CARMIL1: variants seen among roughly 807,000 people sequenced by gnomAD.
The protein encoded by CARMIL1 is F-actin-uncapping protein LRRC16A.
CARMIL1 carries 90 observed loss-of-function variants against 177.1 expected under a neutral mutation model. The ratio of observed to expected loss-of-function variants is 0.51; its 90% CI spans 0.43 to 0.61. The LOEUF (loss-of-function observed/expected upper bound fraction) is 0.61, where lower values mean the gene tolerates loss of function less well. Among genes scored for constraint, CARMIL1 ranks in the 20% least tolerant of loss-of-function variants. The pLI, the probability that CARMIL1 is intolerant of heterozygous loss-of-function variation, is 0.00. For synonymous variants in CARMIL1, 577 were observed against 606.2 expected (o/e 0.95, Z 0.71); for missense variants, 1,380 against 1,667.0 (o/e 0.83, Z 3.00).
At chr6:25,490,484 G>A (rs75635500) in intron 13 of CARMIL1, among the ~76,000 whole-genome samples, 1 of 152,004 alleles carries the variant, frequency 6.6e-6, no homozygotes, top group Non-Finnish European at 1.5e-5. Context: ...GATCTCTGGG[G>A]TCCAGGGGTT....
At chr6:25,475,299 G>C (rs62392393) in intron 11 of CARMIL1, among the ~76,000 whole-genome samples, 2,101 of 152,152 alleles carry the variant, frequency 0.014, 34 homozygotes, top group East Asian at 0.045. Context: ...AGCTACTCGG[G>C]AGGCTGAGGC....
chr6:25,594,956 T>G (rs1310418698), intron 32 of CARMIL1, among the ~76,000 whole-genome samples: 1 of 152,196 alleles, frequency 6.6e-6, no homozygotes, highest in Non-Finnish European at 1.5e-5. Flanking sequence ...GAGCTTCTCC[T>G]TGTTCATAAT....
At chr6:25,430,999 T>A (rs1796718662) in intron 4 of CARMIL1, among the ~76,000 whole-genome samples, 1 of 152,184 alleles carries the variant, frequency 6.6e-6, no homozygotes, top group Admixed American at 6.6e-5. Context: ...CAATTTTTTT[T>A]TATCTTTTCA....
intron 2 of CARMIL1, among the ~76,000 whole-genome samples, chr6:25,290,522 C>T (rs1781868385): frequency 6.6e-6 from 1 of 151,694 alleles, no homozygotes; most frequent in Non-Finnish European, 1.5e-5. Context: ...GGATGGTGGC[C>T]TTAAAGTGTA....
chr6:25,505,948 GTTTC>G (rs1470624201), intron 17 of CARMIL1, among the ~76,000 whole-genome samples: 2 of 152,158 alleles, frequency 1.3e-5, no homozygotes, highest in Non-Finnish European at 2.9e-5. Flanking sequence ...GTGGGAGTTA[GTTTC>G]TTTAAGTGGA....
chr6:25,547,243 C>T (rs1809588910), intron 26 of CARMIL1, among the ~76,000 whole-genome samples: 1 of 151,928 alleles, frequency 6.6e-6, no homozygotes, highest in African/African-American at 2.4e-5. Flanking sequence ...TCAGTTTTTC[C>T]TCAAATTTAT....
chr6:25,528,077 T>C (rs1463705362), intron 23 of CARMIL1, among the ~76,000 whole-genome samples: 3 of 152,226 alleles, frequency 2.0e-5, no homozygotes, highest in African/African-American at 7.2e-5. Context: ...TATGTATTTA[T>C]TGCATATTCT....
chr6:25,519,848 G>A (rs936085205), intron 22 of CARMIL1, among the ~76,000 whole-genome samples: 2 of 152,118 alleles, frequency 1.3e-5, no homozygotes, highest in African/African-American at 4.8e-5. Context: ...AATCACTGTG[G>A]GGACCCAGGT....
At chr6:25,283,115 A>G (rs1381393781) in intron 1 of CARMIL1, among the ~76,000 whole-genome samples, 1 of 152,190 alleles carries the variant, frequency 6.6e-6, no homozygotes, top group Non-Finnish European at 1.5e-5. Context: ...TAGATACACA[A>G]TCCTAGGGGT....
intron 2 of CARMIL1, among the ~76,000 whole-genome samples, chr6:25,357,656 A>T (rs1279988895): frequency 6.6e-6 from 1 of 152,206 alleles, no homozygotes; most frequent in Admixed American, 6.5e-5. Flanking sequence ...CTTTAATTTT[A>T]ATAAGCCTTG....
chr6:25,572,694 C>A (rs1451889114), intron 29 of CARMIL1, among the ~76,000 whole-genome samples: 2 of 126,916 alleles, frequency 1.6e-5, no homozygotes, highest in Non-Finnish European at 1.6e-5. Flanking sequence ...TAGAGCCAGA[C>A]CTTGTCTCAA....
rs1217106853 is a variant in CARMIL1, at chr6:25,491,658, TA to T, written c.1066-70del. On this transcript the variant is annotated intron_variant, in intron 13 of 36. Transcript: ENST00000329474. ...CTGAGAAATTCTGGCAACTTCCTTT[TA>T]AAACATTAACTTGCATTGTGTGTAT... 2.5e-5 allele frequency: 24 copies of T among 964,330 alleles called. 1 individual carries two copies. In the Admixed American group the frequency reaches 3.6e-4, roughly 14 times the overall value. The allele number at this position is 964,330 out of a possible 1,614,324, so 59.7% of individuals were successfully genotyped here.
chr6:25,605,751 A>C (rs1444867235), intron 34 of CARMIL1, among the ~76,000 whole-genome samples: 1 of 152,192 alleles, frequency 6.6e-6, no homozygotes, highest in Non-Finnish European at 1.5e-5. Context: ...GTGCATGAAG[A>C]ACCACTGTTT....
At chr6:25,332,032 G>A (rs1785673495) in intron 2 of CARMIL1, among the ~76,000 whole-genome samples, 1 of 152,174 alleles carries the variant, frequency 6.6e-6, no homozygotes, top group South Asian at 2.1e-4. Context: ...CATAAATTTT[G>A]TTTTTTTAGA....
intron 29 of CARMIL1, among the ~76,000 whole-genome samples, chr6:25,569,126 A>G (rs1811836503): frequency 6.6e-6 from 1 of 152,232 alleles, no homozygotes; most frequent in Non-Finnish European, 1.5e-5. Flanking sequence ...CATAGGTAGA[A>G]TAGAGTGTAT....
At chr6:25,528,167 G>T (rs1340373677) in intron 23 of CARMIL1, among the ~76,000 whole-genome samples, 3 of 152,048 alleles carry the variant, frequency 2.0e-5, no homozygotes, top group African/African-American at 7.2e-5. Context: ...TAAAAATACA[G>T]AAATCTATTT....
At chr6:25,327,731 A>G (rs1785260590) in intron 2 of CARMIL1, among the ~76,000 whole-genome samples, 1 of 152,226 alleles carries the variant, frequency 6.6e-6, no homozygotes, top group South Asian at 2.1e-4. Context: ...CTGCAATAAA[A>G]TCATTCCTGG....
chr6:25,445,771 C>T (rs1798176318), intron 5 of CARMIL1, among the ~76,000 whole-genome samples: 1 of 151,038 alleles, frequency 6.6e-6, no homozygotes, highest in Non-Finnish European at 1.5e-5. Context: ...ATCTCCTGAC[C>T]TCGTGATCCA....
At chr6:25,519,318 G>A (rs986286965) in intron 22 of CARMIL1, among the ~76,000 whole-genome samples, 3 of 152,208 alleles carry the variant, frequency 2.0e-5, no homozygotes, top group Non-Finnish European at 4.4e-5. Context: ...TGAGCACCGT[G>A]TTGTAGAAAT....
Sources: gnomAD v4.1 joint callset for allele counts (sites outside exome capture counted in the v4.1 genomes callset) on GRCh38, gnomAD v4.1.1 for gene constraint, MANE v1.5 for transcripts, NCBI Gene and HGNC (gene_info 2026-07-23, HGNC 2026-07-21) for gene names.